Variants in MTF2 observed in about 807,000 individuals in gnomAD.
MTF2 encodes the protein metal response element binding transcription factor 2, also known as metal-response element-binding transcription factor 2.
A neutral mutation model predicts 79.5 loss-of-function variants in MTF2; 11 were observed. The observed-to-expected ratio is 0.14, with a 90% CI of 0.09 to 0.23. MTF2 has a LOEUF of 0.23. Among genes scored for constraint, MTF2 ranks in the 10% least tolerant of loss-of-function variants. The pLI is 1.00. For missense variants in MTF2, 486 were observed against 711.2 expected, an observed-to-expected ratio of 0.68 and a Z score of 3.60; for synonymous variants, 208 against 232.8, an observed-to-expected ratio of 0.89 and a Z score of 0.97.
chr1:93,083,442 C>A (rs1654698104), intron 1 of MTF2, among the ~76,000 whole-genome samples: 1 of 152,152 alleles, frequency 6.6e-6, no homozygotes, highest in African/African-American at 2.4e-5. Flanking sequence ...TATGAATATA[C>A]CTTTTTTTGT....
chr1:93,133,219 G>A (rs1647214749), intron 11 of MTF2, among the ~76,000 whole-genome samples: 3 of 152,040 alleles, frequency 2.0e-5, no homozygotes, highest in South Asian at 4.1e-4. Context: ...TATATCTAAA[G>A]GCAGCCTTTA....
chr1:93,103,893 A>C (rs1477482969), intron 1 of MTF2, among the ~76,000 whole-genome samples: 1 of 152,092 alleles, frequency 6.6e-6, no homozygotes, highest in Admixed American at 6.6e-5. Context: ...TTTCTGTAAG[A>C]TTTTTTTGGG....
intron 1 of MTF2, among the ~76,000 whole-genome samples, chr1:93,096,066 T>C (rs1655276482): frequency 6.6e-6 from 1 of 152,230 alleles, no homozygotes; most frequent in South Asian, 2.1e-4. Context: ...TCATTCCTCA[T>C]TGTTCTTTCA....
intron 1 of MTF2, among the ~76,000 whole-genome samples, chr1:93,093,370 CA>C (rs1196389415): frequency 3.9e-5 from 6 of 152,174 alleles, no homozygotes; most frequent in African/African-American, 1.4e-4. Flanking sequence ...CACTTTTCCA[CA>C]ATGTCAATCT....
chr1:93,122,064 A>G (rs1322145887), intron 9 of MTF2, among the ~76,000 whole-genome samples: 1 of 152,178 alleles, frequency 6.6e-6, no homozygotes, highest in Non-Finnish European at 1.5e-5. Flanking sequence ...GGCCTCCCAA[A>G]GTGCTGAGAT....
intron 11 of MTF2, among the ~76,000 whole-genome samples, chr1:93,129,749 G>C (rs2281525): frequency 0.62 from 93,541 of 151,862 alleles, 30,458 homozygotes; most frequent in South Asian, 0.76. Flanking sequence ...TTGATTGATT[G>C]ATTCATTCAT....
At chr1:93,107,927 C>T (rs1288489040) in intron 1 of MTF2, among the ~76,000 whole-genome samples, 17 of 152,086 alleles carry the variant, frequency 1.1e-4, no homozygotes, top group African/African-American at 3.1e-4. Flanking sequence ...ACCACAGGCA[C>T]GTGCCACAAT....
In MTF2 at chr1:93,137,329, A is replaced by G. The variant is rs1293334668; in HGVS notation, c.*302A>G. 4 of 211,696 alleles carry G rather than the reference A, an allele frequency of 1.9e-5. No homozygotes were observed. Among genetic ancestry groups the G allele is most frequent in the Admixed American group, 5.2e-5 (1 of 19,124 alleles). The allele number at this position is 211,696 out of a possible 1,614,324, so 13.1% of individuals were successfully genotyped here. The stretch of plus-strand genomic sequence containing the variant: ...ATGCATGGTGTTAGACAATTTTTCT[A>G]ATTATTCCATTGAGTCAGTTTTTTG... On this transcript the variant is annotated 3_prime_UTR_variant, in exon 15 of 15. Coordinates refer to ENST00000370298, the MANE Select transcript of MTF2 (RefSeq NM_007358.4).
chr1:93,083,881 ACTGT>A (rs1424408574), intron 1 of MTF2, among the ~76,000 whole-genome samples: 3 of 152,120 alleles, frequency 2.0e-5, no homozygotes, highest in African/African-American at 4.8e-5. Flanking sequence ...TCTTTGGAGA[ACTGT>A]CTATTTAAGT....
At chr1:93,121,865 G>A (rs1656499014) in intron 9 of MTF2, 2 of 534,164 alleles carry the variant, frequency 3.7e-6, no homozygotes, top group Non-Finnish European at 4.7e-6. Context: ...GCAATGGCGT[G>A]ATCTCAGCTC....
At position 93,120,684 on chromosome 1, in the gene MTF2, G is replaced by T. The variant is rs1219601103; in HGVS notation, c.921+12G>T. On this transcript the variant is annotated intron_variant, in intron 9 of 14. Transcript: ENST00000370298. The stretch of plus-strand genomic sequence containing the variant: ...TGCACCCTGGAGAGGTAGGTGGTCT[G>T]AGAACTAACTTCAGTAGCTACTTGA... 6.2e-7 allele frequency: 1 copy of T among 1,602,274 alleles called. No homozygotes were observed.
rs866501184 is a variant in MTF2, at chr1:93,113,815, G to A, written c.287-873G>A. On this transcript the variant is annotated intron_variant, in intron 3 of 14. Coordinates refer to ENST00000370298, the MANE Select transcript of MTF2 (RefSeq NM_007358.4). ...TAAATAGTATATTTATAAGTTAGTTGTAGAATTAAACAAAATATATCAAGA... is the reference window on the plus strand; with the variant it reads ...TAAATAGTATATTTATAAGTTAGTTATAGAATTAAACAAAATATATCAAGA... 2.5e-4 allele frequency among the ~76,000 whole-genome samples: 38 copies of A among 152,174 alleles called. No homozygotes were observed. The Middle Eastern group carries it at 0.01, about 41-fold the overall frequency.
intron 7 of MTF2, 145 bp downstream of exon 7, chr1:93,118,585 T>C: frequency 1.9e-6 from 1 of 521,028 alleles, no homozygotes; most frequent in East Asian, 3.3e-5. Context: ...ATAATATACT[T>C]AAAATATACG....
chr1:93,114,954 AC>A, intron 4 of MTF2, 33 bp from the exon 5 acceptor site: 1 of 1,482,230 alleles, frequency 6.7e-7, no homozygotes, highest in Non-Finnish European at 9.3e-7. Context: ...TATTAATGAA[AC>A]CGAATTTGCT....
At chr1:93,121,218 T>TA (rs1391301448) in intron 9 of MTF2, 29 of 967,028 alleles carry the variant, frequency 3.0e-5, no homozygotes, top group Non-Finnish European at 3.4e-5. Flanking sequence ...TGTAACTACC[T>TA]ATGCTGGTTT....
intron 1 of MTF2, among the ~76,000 whole-genome samples, chr1:93,090,648 T>C (rs1450098035): frequency 6.6e-6 from 1 of 151,838 alleles, no homozygotes; most frequent in African/African-American, 2.4e-5. Context: ...TATTCTTGGT[T>C]ACGTTATTTT....
chr1:93,125,107 C>T (rs942657460), intron 9 of MTF2, among the ~76,000 whole-genome samples: 9 of 151,726 alleles, frequency 5.9e-5, no homozygotes, highest in African/African-American at 9.7e-5. Flanking sequence ...GAGTTCATTG[C>T]GATCGTCAGA....
intron 3 of MTF2, among the ~76,000 whole-genome samples, chr1:93,113,696 A>G (rs986418362): frequency 2.0e-5 from 3 of 152,176 alleles, no homozygotes; most frequent in African/African-American, 7.2e-5. Context: ...TGGAGAGAAC[A>G]TGGATTTTGG....
chr1:93,086,396 C>T (rs1038222801), intron 1 of MTF2, among the ~76,000 whole-genome samples: 1 of 150,766 alleles, frequency 6.6e-6, no homozygotes, highest in African/African-American at 2.4e-5. Flanking sequence ...ATCTCAGCTA[C>T]TCAGGAGGCT....
Sources: gnomAD v4.1 joint callset for allele counts (sites outside exome capture counted in the v4.1 genomes callset) on GRCh38, gnomAD v4.1.1 for gene constraint, MANE v1.5 for transcripts, NCBI Gene and HGNC (gene_info 2026-07-23, HGNC 2026-07-21) for gene names.